Variants in PARP11 observed in about 807,000 individuals in gnomAD.
The protein encoded by PARP11 is protein mono-ADP-ribosyltransferase PARP11.
A neutral mutation model predicts 42.9 loss-of-function variants in PARP11; 31 were observed. The ratio of observed to expected loss-of-function variants is 0.72; its 90% CI spans 0.54 to 0.98. PARP11 has a LOEUF of 0.98. PARP11 is among the 50% of genes least tolerant of loss of function. The pLI is 0.00. For missense variants in PARP11, 365 were observed against 413.1 expected, an observed-to-expected ratio of 0.88 and a Z score of 1.01; for synonymous variants, 137 against 127.3, an observed-to-expected ratio of 1.08 and a Z score of -0.51.
intron 4 of PARP11, among the ~76,000 whole-genome samples, chr12:3,824,870 C>T (rs1053880035): frequency 1.3e-5 from 2 of 152,120 alleles, no homozygotes; most frequent in Non-Finnish European, 2.9e-5. Context: ...GTGGATATGA[C>T]GTAGCTAGTA....
rs1484592563 is a variant in PARP11, at chr12:3,840,018, T to C, written c.19-10000A>G. ...AGCTGAAGAACAATGGGAACTCTACTAGCCTGCCTTTGGCTAGAAAGGTTC... is the reference window on the plus strand; with the variant it reads ...AGCTGAAGAACAATGGGAACTCTACCAGCCTGCCTTTGGCTAGAAAGGTTC... On this transcript the variant is annotated intron_variant, in intron 1 of 7. Transcript: ENST00000228820. This position sits in a 1 kb window ranked among gnomAD's most constrained non-coding sequence, Gnocchi z 4.4. 13 of 1,603,616 alleles carry C rather than the reference T, an allele frequency of 8.1e-6. No homozygotes were observed. Among genetic ancestry groups the C allele is most frequent in the Non-Finnish European group, 6.0e-6 (7 of 1,170,382 alleles).
intron 6 of PARP11, among the ~76,000 whole-genome samples, chr12:3,820,956 C>T (rs1343027844): frequency 6.6e-6 from 1 of 152,104 alleles, no homozygotes; most frequent in African/African-American, 2.4e-5. Flanking sequence ...GTATCATTAC[C>T]AAACAAAAGT....
Position 3,811,980 on chromosome 12 carries a change from G to A in PARP11, c.*143C>T. Reference sequence around the variant, plus strand: ...CAAAAACCAACCTTGAAGTCAGTATGTCTTTTTATATGGAGGCCACTTTTT... The same window carrying A: ...CAAAAACCAACCTTGAAGTCAGTATATCTTTTTATATGGAGGCCACTTTTT... On this transcript the variant is annotated 3_prime_UTR_variant, in exon 8 of 8. Coordinates refer to ENST00000228820, the MANE Select transcript of PARP11 (RefSeq NM_020367.6). 1 of 615,604 alleles carries A rather than the reference G, an allele frequency of 1.6e-6. No homozygotes were observed. Among genetic ancestry groups the A allele is most frequent in the Non-Finnish European group, 2.7e-6 (1 of 363,684 alleles). 38.1% of individuals were successfully genotyped at this position (615,604 alleles called of 1,614,324 possible). A position where few individuals can be genotyped will look rare whatever the true frequency, so the allele number is the denominator to read the frequency against.
chr12:3,862,279 C>T (rs1391232661), intron 1 of PARP11, among the ~76,000 whole-genome samples: 1 of 151,804 alleles, frequency 6.6e-6, no homozygotes, highest in Non-Finnish European at 1.5e-5. Context: ...ATAGCAAAAC[C>T]CCATCTCTAC....
chr12:3,823,930 A>C (rs1947461579), intron 4 of PARP11, among the ~76,000 whole-genome samples: 1 of 152,044 alleles, frequency 6.6e-6, no homozygotes, highest in South Asian at 2.1e-4. Context: ...AAAAAAAAAA[A>C]ATGCTACAGG....
chr12:3,870,585 G>C (rs1446118988), intron 1 of PARP11, among the ~76,000 whole-genome samples: 1 of 152,162 alleles, frequency 6.6e-6, no homozygotes, highest in Non-Finnish European at 1.5e-5. Flanking sequence ...TAGGAGCAAA[G>C]AATTATCTTT....
intron 1 of PARP11, chr12:3,839,427 C>T (rs1354009863): frequency 1.3e-6 from 2 of 1,596,546 alleles, no homozygotes; most frequent in Non-Finnish European, 1.7e-6. Context: ...TCGCCAAGGA[C>T]GGGTCGTGCC....
At chr12:3,839,124 C>T (rs1451308140) in intron 1 of PARP11, among the ~76,000 whole-genome samples, 1 of 150,960 alleles carries the variant, frequency 6.6e-6, no homozygotes. Flanking sequence ...CTCCCCTACG[C>T]GCCCGGAGAG....
rs114929727 is a variant in PARP11 at position 3,829,129 on chromosome 12, C to T, written c.148-99G>A. ...GTCATAGAGACAGGGAATGGAGGGG[C>T]GAGGGAAACTTACTAATCACCTGTT... On this transcript the variant is annotated intron_variant, in intron 2 of 7. Coordinates refer to ENST00000228820, the MANE Select transcript of PARP11 (RefSeq NM_020367.6). The T allele has an allele frequency of 7.8e-4, 1,000 of 1,278,554 alleles. 7 individuals carry two copies. In the African/African-American group the frequency reaches 0.012, roughly 15 times the overall value. 79.2% of individuals were successfully genotyped at this position (1,278,554 alleles called of 1,614,324 possible).
intron 1 of PARP11, among the ~76,000 whole-genome samples, chr12:3,866,448 G>T (rs994147447): frequency 6.6e-6 from 1 of 152,110 alleles, no homozygotes; most frequent in East Asian, 1.9e-4. Context: ...GGCATTTTCA[G>T]GGGCAAAGTA....
At position 3,814,178 on chromosome 12, in the gene PARP11, G is replaced by C; in HGVS notation, c.559C>G (p.Gln187Glu). The change falls in exon 7 of 8, where the codon CAG becomes GAG. Residue 187 changes from glutamine (Q) to glutamate (E), a missense_variant. Physicochemically the swap from Gln to Glu is conservative, Grantham distance 29. Transcript: ENST00000228820. ...LWEFFCRKKA[Q>E]LKKKRGVPQI... is the part of the protein sequence containing the mutation. ...GGCACACCTCTTTTTTTCTTGAGCTGAGCCTTTTTCCTAAAAACACAATAT... is the reference window on the plus strand; with the variant it reads ...GGCACACCTCTTTTTTTCTTGAGCTCAGCCTTTTTCCTAAAAACACAATAT... The C allele has an allele frequency of 6.3e-7, 1 of 1,599,194 alleles. No individual in the cohort carries two copies. The highest frequency in any genetic ancestry group is 8.5e-7 in the Non-Finnish European group (1 of 1,170,700).
intron 1 of PARP11, among the ~76,000 whole-genome samples, chr12:3,869,797 G>A (rs1242837231): frequency 1.3e-5 from 2 of 152,270 alleles, no homozygotes; most frequent in South Asian, 2.1e-4. Flanking sequence ...ATATCTGCCT[G>A]CCTGCACCAG....
chr12:3,812,299 G>A lies in PARP11; in HGVS notation c.841C>T (p.Arg281Ter), dbSNP rs770716873. ...TTTATGTAATCTCCAATTAGCACTCGAGCAAGAAACATAGATTTATATGTT... is the reference window on the plus strand; with the variant it reads ...TTTATGTAATCTCCAATTAGCACTCAAGCAAGAAACATAGATTTATATGTT... The part of the protein sequence containing the change: ...FRTYKSMFLA[R>*]VLIGDYINGD... The change falls in exon 8 of 8, where the codon CGA becomes TGA. Residue 281 changes from arginine (R) to a stop codon, truncating the protein, a stop_gained. Transcript: ENST00000228820. LOFTEE classifies it high-confidence loss of function. 20 of 1,614,046 alleles carry A rather than the reference G, an allele frequency of 1.2e-5. No homozygotes were observed. The highest frequency in any genetic ancestry group is 1.4e-5 in the Non-Finnish European group (17 of 1,180,028).
At chr12:3,839,010 A>T (rs1470288481) in intron 1 of PARP11, among the ~76,000 whole-genome samples, 7 of 151,418 alleles carry the variant, frequency 4.6e-5, no homozygotes, top group Non-Finnish European at 1.0e-4. Context: ...GGAAGTGACT[A>T]CTCACTCTCG....
chr12:3,867,534 G>A (rs115998034), intron 1 of PARP11, among the ~76,000 whole-genome samples: 2,530 of 152,234 alleles, frequency 0.017, 91 homozygotes, highest in African/African-American at 0.057. Context: ...TTTAAATAGC[G>A]TGAACCTACT....
At chr12:3,841,316 G>C in intron 1 of PARP11, 4 of 1,234,450 alleles carry the variant, frequency 3.2e-6, no homozygotes, top group Non-Finnish European at 4.8e-6. Flanking sequence ...TGTCCTGTGT[G>C]GGCCCCACAT....
Position 3,826,279 on chromosome 12 carries a change from T to C in PARP11, c.269-46A>G, listed in dbSNP as rs1555135919. 8.9e-6 allele frequency: 12 copies of C among 1,351,556 alleles called. No individual in the cohort carries two copies. In the South Asian group the frequency reaches 1.6e-4, roughly 18 times the overall value. 83.7% of individuals were successfully genotyped at this position (1,351,556 alleles called of 1,614,324 possible). On this transcript the variant is annotated intron_variant, in intron 3 of 7. Transcript: ENST00000228820. ...TTAGATAAGTCATAAAAGTACACTG[T>C]ACTATAAAGTGTCATGAAGATTAAT...
At chr12:3,860,855 A>G (rs556021018) in intron 1 of PARP11, among the ~76,000 whole-genome samples, 1 of 151,792 alleles carries the variant, frequency 6.6e-6, no homozygotes, top group South Asian at 2.1e-4. Flanking sequence ...TAATTTTTCA[A>G]TTTTTTCAGA....
chr12:3,824,651 T>G (rs1466108314), intron 4 of PARP11: 59 of 984,016 alleles, frequency 6.0e-5, no homozygotes, highest in Non-Finnish European at 7.1e-5. Context: ...CTCCTTGTGC[T>G]GTCTTTGTTC....
Sources: allele counts gnomAD v4.1 joint callset (sites outside exome capture counted in the v4.1 genomes callset), GRCh38; gene constraint gnomAD v4.1.1; non-coding constraint Gnocchi (gnomAD v3.1); transcripts MANE v1.5; gene names NCBI Gene and HGNC (gene_info 2026-07-23, HGNC 2026-07-21).